Variants in RELL2 observed in about 807,000 individuals in gnomAD.
The protein encoded by RELL2 is RELT like 2.
Under a neutral mutation model 27.5 loss-of-function variants are expected in RELL2, and 18 were observed. The ratio of observed to expected loss-of-function variants is 0.65; its 90% CI spans 0.45 to 0.97. The LOEUF is 0.97. Among genes scored for constraint, RELL2 ranks in the 50% least tolerant of loss-of-function variants. RELL2 has a pLI of 0.00. For missense variants in RELL2, 370 were observed against 397.5 expected, an observed-to-expected ratio of 0.93 and a Z score of 0.59; for synonymous variants, 156 against 147.5, an observed-to-expected ratio of 1.06 and a Z score of -0.42.
chr5:141,639,060 T>A lies in RELL2; in HGVS notation c.317+39T>A. 6.4e-7 allele frequency: 1 copy of A among 1,558,216 alleles called. No homozygotes were observed. Among genetic ancestry groups the A allele is most frequent in the Non-Finnish European group, 8.8e-7 (1 of 1,134,656 alleles). ...AAGGGCCAGCATGACTTAGCTTGCCTTGGAGAGTATCCTCTCCTCCAGCAC... is the reference window on the plus strand; with the variant it reads ...AAGGGCCAGCATGACTTAGCTTGCCATGGAGAGTATCCTCTCCTCCAGCAC... On this transcript the variant is annotated intron_variant, in intron 3 of 6. Coordinates refer to ENST00000297164, the MANE Select transcript of RELL2 (RefSeq NM_173828.5). This position sits in a 1 kb window ranked among gnomAD's most constrained non-coding sequence, Gnocchi z 4.4.
rs769588762 is a variant in RELL2 at position 141,638,266 on chromosome 5, G to C, written c.41G>C (p.Gly14Ala). 1 of 1,613,950 alleles carries C rather than the reference G, an allele frequency of 6.2e-7. No homozygotes were observed. Reference sequence around the variant, plus strand: ...CCTGACCTGGAACCGCCCCAACATGGGCTATATATGCTCTTCCTGCTTGTG... The same window carrying C: ...CCTGACCTGGAACCGCCCCAACATGCGCTATATATGCTCTTCCTGCTTGTG... ...PQPDLEPPQH[G>A]LYMLFLLVLV... Residue 14 changes from glycine to alanine, a missense_variant, in exon 1 of 7, where the codon GGG becomes GCG. Coordinates refer to ENST00000297164, the MANE Select transcript of RELL2 (RefSeq NM_173828.5).
rs1404062523 is a variant in RELL2, at chr5:141,640,900, C to T, written c.*231C>T. 1.2e-5 allele frequency: 7 copies of T among 580,694 alleles called. No homozygotes were observed. The highest frequency in any genetic ancestry group is 1.1e-4 in the South Asian group (5 of 44,738). The allele number at this position is 580,694 out of a possible 1,614,324, so 36.0% of individuals were successfully genotyped here. On this transcript the variant is annotated 3_prime_UTR_variant, in exon 7 of 7. Transcript: ENST00000297164. ...GCCTGCCCCGCCTTCCCCAACACCT[C>T]GCTCCATATGATAGAGCGTGGCAGC...
chr5:141,638,733 AG>A, intron 1 of RELL2, 61 bp from the exon 2 acceptor site: 1 of 1,359,806 alleles, frequency 7.4e-7, no homozygotes. Context: ...GGGAGCCACC[AG>A]GTAATATTCC....
At position 141,639,753 on chromosome 5, in the gene RELL2, C is replaced by T; in HGVS notation, c.503+104C>T. 2 of 1,324,554 alleles carry T rather than the reference C, an allele frequency of 1.5e-6. No homozygotes were observed. Among genetic ancestry groups the T allele is most frequent in the Admixed American group, 2.1e-5 (1 of 47,122 alleles). 82.1% of individuals were successfully genotyped at this position (1,324,554 alleles called of 1,614,324 possible). On this transcript the variant is annotated intron_variant, in intron 4 of 6. Coordinates refer to ENST00000297164, the MANE Select transcript of RELL2 (RefSeq NM_173828.5). The surrounding 1 kb of genome is among the most constrained non-coding windows in gnomAD (Gnocchi z 4.4). ...TGGCTCTTTCCTCCTGGACTGGGAG[C>T]TCCGGCAGAAGTCAGGCTACACAAT...
chr5:141,638,833 A>T lies in RELL2; in HGVS notation c.223A>T (p.Ile75Phe). The T allele has an allele frequency of 6.2e-7, 1 of 1,614,162 alleles. No homozygotes were observed. The highest frequency in any genetic ancestry group is 8.5e-7 in the Non-Finnish European group (1 of 1,180,002). The change falls in exon 2 of 7, where the codon ATT becomes TTT. Residue 75 changes from isoleucine to phenylalanine, a missense_variant. By Grantham distance (21) the Ile-to-Phe change is conservative. Coordinates refer to ENST00000297164, the MANE Select transcript of RELL2 (RefSeq NM_173828.5). ...CATGAATGAGGACACAGTAGAGAGG[A>T]TTGTTCGCTGCATCATCCAGAATGA... ...DDMNEDTVER[I>F]VRCIIQNEAN...
Position 141,639,619 on chromosome 5 carries a change from C to G in RELL2, c.473C>G (p.Thr158Arg). The G allele has an allele frequency of 1.2e-6, 2 of 1,612,176 alleles. No homozygotes were observed. Among genetic ancestry groups the G allele is most frequent in the Non-Finnish European group, 1.7e-6 (2 of 1,179,542 alleles). ...AAGGAAGGAAAAAGCCGCCCCCGGA[C>G]AGGGGAGACCACTGTGTTCTCTGTG... ...RSKEGKSRPRTGETTVFSVGR... is the reference protein window; with the variant it reads ...RSKEGKSRPRRGETTVFSVGR... The change falls in exon 4 of 7, where the codon ACA becomes AGA. Residue 158 changes from threonine (T) to arginine (R), a missense_variant. Thr to Arg is a moderately conservative substitution (Grantham distance 71). Coordinates refer to ENST00000297164, the MANE Select transcript of RELL2 (RefSeq NM_173828.5). This position sits in a 1 kb window ranked among gnomAD's most constrained non-coding sequence, Gnocchi z 4.4.
Position 141,638,175 on chromosome 5 carries a change from G to A in RELL2, c.-51G>A, listed in dbSNP as rs973460367. 11 of 1,328,446 alleles carry A rather than the reference G, an allele frequency of 8.3e-6. No individual in the cohort carries two copies. The South Asian group carries it at 1.2e-4, about 14-fold the overall frequency. 82.3% of individuals were successfully genotyped at this position (1,328,446 alleles called of 1,614,324 possible). On this transcript the variant is annotated 5_prime_UTR_variant, in exon 1 of 7. Transcript: ENST00000297164. ...TACCCCTCCCCCATTCCCAGCTGCAGCCCCCTAAACCCAGGAGGCGCCCTG... is the reference window on the plus strand; with the variant it reads ...TACCCCTCCCCCATTCCCAGCTGCAACCCCCTAAACCCAGGAGGCGCCCTG...
Position 141,640,272 on chromosome 5 carries a change from A to T in RELL2, c.856A>T (p.Lys286Ter). The T allele has an allele frequency of 1.2e-6, 2 of 1,613,988 alleles. No homozygotes were observed. Among genetic ancestry groups the T allele is most frequent in the Non-Finnish European group, 1.7e-6 (2 of 1,179,928 alleles). Reference sequence around the variant, plus strand: ...TCAAGAGGCAAATGGGCAGCCAAGCAAACCAGACACTTCTGATCACCAGGT... The same window carrying T: ...TCAAGAGGCAAATGGGCAGCCAAGCTAACCAGACACTTCTGATCACCAGGT... Reference protein sequence around the residue: ...PTQEANGQPSKPDTSDHQVSL... With the variant: ...PTQEANGQPS Residue 286 changes from lysine to a stop codon, truncating the protein, a stop_gained, in exon 5 of 7, where the codon AAA becomes TAA. Transcript: ENST00000297164. LOFTEE classifies it high-confidence loss of function.
chr5:141,640,585 A>T (rs2099906744), intron 6 of RELL2, 86 bp from the exon 7 acceptor site: 6 of 1,547,970 alleles, frequency 3.9e-6, no homozygotes, highest in Non-Finnish European at 5.2e-6. Context: ...TTGGTGGTGG[A>T]GGTAGGGAAG....
At chr5:141,638,540 A>G in intron 1 of RELL2, 131 bp downstream of exon 1, 3 of 889,330 alleles carry the variant, frequency 3.4e-6, no homozygotes, top group Non-Finnish European at 5.1e-6. Flanking sequence ...TGCACTCTTG[A>G]GTTAGCAAGT....
chr5:141,639,065 G>A lies in RELL2; in HGVS notation c.317+44G>A. Reference sequence around the variant, plus strand: ...CCAGCATGACTTAGCTTGCCTTGGAGAGTATCCTCTCCTCCAGCACAATCC... The same window carrying A: ...CCAGCATGACTTAGCTTGCCTTGGAAAGTATCCTCTCCTCCAGCACAATCC... On this transcript the variant is annotated intron_variant, in intron 3 of 6. Coordinates refer to ENST00000297164, the MANE Select transcript of RELL2 (RefSeq NM_173828.5). This position sits in a 1 kb window ranked among gnomAD's most constrained non-coding sequence, Gnocchi z 4.4. 1 of 1,540,664 alleles carries A rather than the reference G, an allele frequency of 6.5e-7. No homozygotes were observed. The highest frequency in any genetic ancestry group is 8.9e-7 in the Non-Finnish European group (1 of 1,120,044).
chr5:141,639,718 A>G lies in RELL2; in HGVS notation c.503+69A>G, dbSNP rs1244434783. 2 of 1,466,520 alleles carry G rather than the reference A, an allele frequency of 1.4e-6. No homozygotes were observed. 90.8% of individuals were successfully genotyped at this position (1,466,520 alleles called of 1,614,324 possible). A position where few individuals can be genotyped will look rare whatever the true frequency, so the allele number is the denominator to read the frequency against. On this transcript the variant is annotated intron_variant, in intron 4 of 6. Coordinates refer to ENST00000297164, the MANE Select transcript of RELL2 (RefSeq NM_173828.5). The surrounding 1 kb of genome is among the most constrained non-coding windows in gnomAD (Gnocchi z 4.4). Reference sequence around the variant, plus strand: ...CCAGTGATCAGGCACCTGATCCCAAAAGTGGGCCTTGGCTCTTTCCTCCTG... The same window carrying G: ...CCAGTGATCAGGCACCTGATCCCAAGAGTGGGCCTTGGCTCTTTCCTCCTG...
chr5:141,639,173 C>A lies in RELL2; in HGVS notation c.317+152C>A. The A allele has an allele frequency of 1.5e-6, 1 of 671,006 alleles. No individual in the cohort carries two copies. The highest frequency in any genetic ancestry group is 2.5e-6 in the Non-Finnish European group (1 of 398,376). The allele number at this position is 671,006 out of a possible 1,614,324, so 41.6% of individuals were successfully genotyped here. ...AGGAAGAAAGTTGTTTTGTAGAAAT[C>A]GCGATTCCTTCAAACCATCTCTCTC... On this transcript the variant is annotated intron_variant, in intron 3 of 6. Coordinates refer to ENST00000297164, the MANE Select transcript of RELL2 (RefSeq NM_173828.5). The surrounding 1 kb of genome is among the most constrained non-coding windows in gnomAD (Gnocchi z 4.4).
At position 141,638,251 on chromosome 5, in the gene RELL2, A is replaced by T. The variant is rs746351665; in HGVS notation, c.26A>T (p.Glu9Val). Residue 9 changes from glutamate (E) to valine (V), a missense_variant, in exon 1 of 7, where the codon GAA becomes GTA. Coordinates refer to ENST00000297164, the MANE Select transcript of RELL2 (RefSeq NM_173828.5). Reference sequence around the variant, plus strand: ...ATGTCGGAACCACAGCCTGACCTGGAACCGCCCCAACATGGGCTATATATG... The same window carrying T: ...ATGTCGGAACCACAGCCTGACCTGGTACCGCCCCAACATGGGCTATATATG... MSEPQPDL[E>V]PPQHGLYMLF... 12 of 1,613,690 alleles carry T rather than the reference A, an allele frequency of 7.4e-6. No homozygotes were observed. In the South Asian group the frequency reaches 1.2e-4, roughly 16 times the overall value.
At chr5:141,638,694 A>G (rs2099906473) in intron 1 of RELL2, 101 bp from the exon 2 acceptor site, 7 of 1,040,806 alleles carry the variant, frequency 6.7e-6, no homozygotes, top group South Asian at 1.3e-5. Context: ...GCAAGTAGGT[A>G]AAAGGGTATG....
In RELL2 at chr5:141,641,044, A is replaced by G. The variant is rs958013984; in HGVS notation, c.*375A>G. On this transcript the variant is annotated 3_prime_UTR_variant, in exon 7 of 7. Coordinates refer to ENST00000297164, the MANE Select transcript of RELL2 (RefSeq NM_173828.5). ...CCTTCGTGCCCTTTATTCATTGTCA[A>G]TAAATCCGCTCAGACCATTACAGCT... 2 of 345,272 alleles carry G rather than the reference A, an allele frequency of 5.8e-6. No individual in the cohort carries two copies. Among genetic ancestry groups the G allele is most frequent in the East Asian group, 4.7e-5 (1 of 21,192 alleles). The allele number at this position is 345,272 out of a possible 1,614,324, so 21.4% of individuals were successfully genotyped here.
chr5:141,638,115 G>A lies in RELL2; in HGVS notation c.-111G>A. On this transcript the variant is annotated 5_prime_UTR_variant, in exon 1 of 7. Transcript: ENST00000297164. ...GGCCGGACCTCAGCCGGACGTCTTA[G>A]ACGTGCTTGTTTCAGATCCTGAGGA... The A allele has an allele frequency of 2.7e-6, 2 of 730,244 alleles. No individual in the cohort carries two copies. The highest frequency in any genetic ancestry group is 4.7e-6 in the Non-Finnish European group (2 of 425,200). 45.2% of individuals were successfully genotyped at this position (730,244 alleles called of 1,614,324 possible).
chr5:141,640,702 G>C lies in RELL2; in HGVS notation c.*33G>C, dbSNP rs1195971848. On this transcript the variant is annotated 3_prime_UTR_variant, in exon 7 of 7. Transcript: ENST00000297164. ...TCATTGTGCTGATGGACTACCAGCT[G>C]GCAGGGCCAGGGGGTGGGTGGGCGT... 2 of 1,533,168 alleles carry C rather than the reference G, an allele frequency of 1.3e-6. No homozygotes were observed. The highest frequency in any genetic ancestry group is 2.4e-5 in the South Asian group (2 of 83,612). 95.0% of individuals were successfully genotyped at this position (1,533,168 alleles called of 1,614,324 possible). A position where few individuals can be genotyped will look rare whatever the true frequency, so the allele number is the denominator to read the frequency against.
rs1454870938 is a variant in RELL2 at position 141,638,066 on chromosome 5, G to A, written c.-160G>A. ...CGAAACAGCACTCCTGGCCCGGACA[G>A]CTCCCTGGTTGGGTAGGGGGTGGGG... On this transcript the variant is annotated 5_prime_UTR_variant, in exon 1 of 7. Coordinates refer to ENST00000297164, the MANE Select transcript of RELL2 (RefSeq NM_173828.5). The A allele has an allele frequency of 9.7e-6, 6 of 617,930 alleles. No individual in the cohort carries two copies. Among genetic ancestry groups the A allele is most frequent in the Non-Finnish European group, 1.1e-5 (4 of 347,968 alleles). The allele number at this position is 617,930 out of a possible 1,614,324, so 38.3% of individuals were successfully genotyped here.
Sources: gnomAD v4.1 joint callset for allele counts on GRCh38, gnomAD v4.1.1 for gene constraint, Gnocchi (gnomAD v3.1) non-coding constraint, MANE v1.5 for transcripts, NCBI Gene and HGNC (gene_info 2026-07-23, HGNC 2026-07-21) for gene names.